Variants in TXLNG observed in about 807,000 individuals in gnomAD.
The protein encoded by TXLNG is taxilin gamma, also known as gamma-taxilin.
A neutral mutation model predicts 38.8 loss-of-function variants in TXLNG; 5 were observed. The observed-to-expected ratio is 0.13, with a 90% CI of 0.07 to 0.27. The LOEUF (loss-of-function observed/expected upper bound fraction) is 0.27, where lower values mean the gene tolerates loss of function less well. TXLNG is among the 10% of genes least tolerant of loss of function. The probability of loss-of-function intolerance (pLI) is 1.00; values close to 1 mark genes in which losing one functional copy is unlikely to be tolerated. For synonymous variants in TXLNG, 182 were observed against 158.2 expected (o/e 1.15, Z -1.13); for missense variants, 393 against 398.2 (o/e 0.99, Z 0.11).
intron 1 of TXLNG, among the ~76,000 whole-genome samples, chrX:16,811,085 G>T (rs1928498022): frequency 8.9e-6 from 1 of 111,855 alleles, no homozygotes; most frequent in Admixed American, 9.6e-5. Flanking sequence ...GTTGGCATTT[G>T]AGTACCATTT....
rs1928631741 is a variant in TXLNG at position 16,813,872 on chromosome X, G to A, written c.103-4702G>A. Among the ~76,000 whole-genome samples the A allele has an allele frequency of 2.7e-5, 3 of 111,179 alleles. No individual in the cohort carries two copies. The South Asian group carries it at 1.1e-3, about 42-fold the overall frequency. ...GAGGCCGAGGTGGTCGGATCATAAG[G>A]TCAGGAGATCGAGACCATCCTGGCT... On this transcript the variant is annotated intron_variant, in intron 1 of 9. Coordinates refer to ENST00000380122, the MANE Select transcript of TXLNG (RefSeq NM_018360.3).
intron 1 of TXLNG, among the ~76,000 whole-genome samples, chrX:16,801,495 C>T (rs1003297132): frequency 8.9e-6 from 1 of 112,032 alleles, no homozygotes; most frequent in Non-Finnish European, 1.9e-5. Flanking sequence ...CTCAGGCATT[C>T]TTTTATAGCA....
rs1929792951 is a variant in TXLNG at position 16,841,053 on chromosome X, G to GATAT, written c.1249-375_1249-374insATAT. ...CTACTAAAAATACAAAAATTAGCTG[G>GATAT]GCGTGGTGGGGCGCGCCTGTAGTCC... is the stretch of plus-strand genomic sequence containing the variant. On this transcript the variant is annotated intron_variant, in intron 9 of 9. Coordinates refer to ENST00000380122, the MANE Select transcript of TXLNG (RefSeq NM_018360.3). 3.6e-5 allele frequency among the ~76,000 whole-genome samples: 4 copies of GATAT among 109,935 alleles called. No homozygotes were observed. The South Asian group carries it at 1.6e-3, about 43-fold the overall frequency.
intron 7 of TXLNG, among the ~76,000 whole-genome samples, chrX:16,836,799 GTCTC>G (rs1289584478): frequency 1.8e-5 from 2 of 111,689 alleles, no homozygotes; most frequent in South Asian, 3.7e-4. Context: ...ATTCCTCTGG[GTCTC>G]TCTCTGTTCC....
At chrX:16,790,440 G>T (rs887425128) in intron 1 of TXLNG, among the ~76,000 whole-genome samples, 2 of 110,215 alleles carry the variant, frequency 1.8e-5, no homozygotes, top group African/African-American at 6.6e-5. Context: ...AGGCTCAGGC[G>T]ATCGTTCTGC....
Position 16,801,867 on chromosome X carries a change from T to C in TXLNG, c.102+15278T>C, listed in dbSNP as rs949797378. 1.7e-4 allele frequency among the ~76,000 whole-genome samples: 19 copies of C among 110,350 alleles called. 1 individual carries two copies. The highest frequency in any genetic ancestry group is 3.2e-4 in the Non-Finnish European group (17 of 52,780). On this transcript the variant is annotated intron_variant, in intron 1 of 9. Coordinates refer to ENST00000380122, the MANE Select transcript of TXLNG (RefSeq NM_018360.3). ...AGGCTTTGAACAAAGCCAGACTCCCTGTGTTCAGATCTTGGCCTAACCGTT... is the reference window on the plus strand; with the variant it reads ...AGGCTTTGAACAAAGCCAGACTCCCCGTGTTCAGATCTTGGCCTAACCGTT...
chrX:16,827,854 T>A (rs747069442), intron 3 of TXLNG, among the ~76,000 whole-genome samples: 98 of 112,240 alleles, frequency 8.7e-4, no homozygotes, highest in African/African-American at 2.9e-3. Context: ...GATTTTTTTT[T>A]AAAAAAGAAA....
At chrX:16,798,130 T>C (rs1475112659) in intron 1 of TXLNG, among the ~76,000 whole-genome samples, 1 of 112,483 alleles carries the variant, frequency 8.9e-6, no homozygotes, top group Non-Finnish European at 1.9e-5. Context: ...CTTTTCCCCA[T>C]GTATCATTTT....
At chrX:16,840,424 CT>C (rs1929752942) in intron 9 of TXLNG, 1 of 752,416 alleles carries the variant, frequency 1.3e-6, no homozygotes, top group Admixed American at 8.8e-5. Flanking sequence ...TACGTTTTGC[CT>C]GTTTTATATA....
intron 3 of TXLNG, among the ~76,000 whole-genome samples, chrX:16,827,794 T>C (rs1276215711): frequency 1.8e-5 from 2 of 111,857 alleles, no homozygotes; most frequent in Non-Finnish European, 3.8e-5. Flanking sequence ...ATACATTTCT[T>C]CTATAAAACC....
chrX:16,809,423 A>C (rs1477114527), intron 1 of TXLNG, among the ~76,000 whole-genome samples: 2 of 99,646 alleles, frequency 2.0e-5, no homozygotes, highest in Admixed American at 2.3e-4. Flanking sequence ...GGCTCTCTGC[A>C]ACCTCCGCCT....
chrX:16,803,015 T>TC (rs763122641), intron 1 of TXLNG, among the ~76,000 whole-genome samples: 2 of 110,090 alleles, frequency 1.8e-5, no homozygotes, highest in African/African-American at 6.6e-5. Context: ...AGATGGGGTT[T>TC]CACCATCTTG....
At position 16,820,205 on chromosome X, in the gene TXLNG, T is replaced by C; in HGVS notation, c.448T>C (p.Ser150Pro). The part of the protein sequence containing the change: ...LLLMQALNTL[S>P]TPEEKLAALC... ...ACTGATGCAAGCCCTAAACACCCTT[T>C]CAACCCCAGAGGAGAAGCTGGCAGC... is the stretch of plus-strand genomic sequence containing the variant. Residue 150 changes from serine to proline, a missense_variant, in exon 3 of 10, where the codon TCA becomes CCA. Transcript: ENST00000380122. 1 of 1,210,549 alleles carries C rather than the reference T, an allele frequency of 8.3e-7. No individual in the cohort carries two copies. Among genetic ancestry groups the C allele is most frequent in the Non-Finnish European group, 1.1e-6 (1 of 894,980 alleles).
intron 1 of TXLNG, among the ~76,000 whole-genome samples, chrX:16,793,238 G>A (rs1451774975): frequency 9.0e-6 from 1 of 111,606 alleles, no homozygotes; most frequent in African/African-American, 3.3e-5. Flanking sequence ...ACATTTTTAT[G>A]TTTGAATCTA....
At chrX:16,823,821 C>T (rs1473867837) in intron 3 of TXLNG, among the ~76,000 whole-genome samples, 1 of 111,529 alleles carries the variant, frequency 9.0e-6, no homozygotes, top group African/African-American at 3.3e-5. Context: ...TCTTTCCCAT[C>T]CTGTAGTCAG....
chrX:16,816,068 T>G (rs1417096322), intron 1 of TXLNG, among the ~76,000 whole-genome samples: 1 of 109,624 alleles, frequency 9.1e-6, no homozygotes, highest in Non-Finnish European at 1.9e-5. Context: ...TTAATGATTT[T>G]TTTTTCTTTT....
chrX:16,828,368 ATAC>A (rs1367208611), intron 4 of TXLNG, 104 bp downstream of exon 4: 1 of 807,939 alleles, frequency 1.2e-6, no homozygotes, highest in Non-Finnish European at 1.7e-6. Context: ...TTGGAGACAG[ATAC>A]TGCCTTGCTT....
At chrX:16,824,768 A>T (rs941251769) in intron 3 of TXLNG, among the ~76,000 whole-genome samples, 4 of 109,305 alleles carry the variant, frequency 3.7e-5, no homozygotes, top group South Asian at 4.0e-4. Context: ...AAAATAAAAA[A>T]AAAAAAATTA....
Position 16,839,930 on chromosome X carries a change from C to T in TXLNG, c.1248+14C>T, listed in dbSNP as rs1929730459. 8.6e-7 allele frequency: 1 copy of T among 1,158,095 alleles called. No individual in the cohort carries two copies. Among genetic ancestry groups the T allele is most frequent in the Admixed American group, 2.3e-5 (1 of 43,440 alleles). ...ATGGCTGAAGAGGTGAGATGGTTTCCTGCGACTAAGGTGTAGTCTTAGTCA... is the reference window on the plus strand; with the variant it reads ...ATGGCTGAAGAGGTGAGATGGTTTCTTGCGACTAAGGTGTAGTCTTAGTCA... On this transcript the variant is annotated intron_variant, in intron 9 of 9. Coordinates refer to ENST00000380122, the MANE Select transcript of TXLNG (RefSeq NM_018360.3).
Sources: allele counts gnomAD v4.1 joint callset (sites outside exome capture counted in the v4.1 genomes callset), GRCh38; gene constraint gnomAD v4.1.1; transcripts MANE v1.5; gene names NCBI Gene and HGNC (gene_info 2026-07-23, HGNC 2026-07-21).